The following MAT2B variants were observed in gnomAD, a reference collection of about 807,000 sequenced individuals.
MAT2B encodes methionine adenosyltransferase 2 non-catalytic beta subunit.
MAT2B carries 16 observed loss-of-function variants against 36.1 expected under a neutral mutation model. That is an observed-to-expected ratio of 0.44 (90% CI 0.30 to 0.67). MAT2B has a LOEUF of 0.67. MAT2B is among the 30% of genes least tolerant of loss of function. The pLI, the probability that MAT2B is intolerant of heterozygous loss-of-function variation, is 0.09. For synonymous variants in MAT2B, 148 were observed against 136.9 expected, an observed-to-expected ratio of 1.08 and a Z score of -0.57; for missense variants, 332 against 398.2, an observed-to-expected ratio of 0.83 and a Z score of 1.42.
rs780022492 is a variant in MAT2B at position 163,512,211 on chromosome 5, AT to A, written c.258+19del. The A allele has an allele frequency of 6.3e-6, 10 of 1,585,846 alleles. No individual in the cohort carries two copies. The East Asian group carries it at 2.2e-4, about 35-fold the overall frequency. ...ATGATTTTCAGGTATGATTTAGGTT[AT>A]TTTAAGATATACATGAACAATATTA... On this transcript the variant is annotated intron_variant, in intron 2 of 6. Coordinates refer to ENST00000321757, the MANE Select transcript of MAT2B (RefSeq NM_013283.5).
At chr5:163,510,473 G>T in intron 1 of MAT2B, among the ~76,000 whole-genome samples, 1 of 134,100 alleles carries the variant, frequency 7.5e-6, no homozygotes, top group Admixed American at 8.4e-5. Context: ...TTGGCTCATT[G>T]CAACCTCCGC....
intron 6 of MAT2B, 123 bp downstream of exon 6, chr5:163,517,797 G>A (rs553291685): frequency 3.3e-6 from 2 of 599,960 alleles, no homozygotes; most frequent in African/African-American, 1.8e-5. Context: ...GCTGTTCATA[G>A]TGCTACTTTT....
At chr5:163,505,408 C>G (rs1381799574), upstream of MAT2B, 2 of 654,676 alleles carry the variant, frequency 3.1e-6, no homozygotes, top group Non-Finnish European at 4.3e-6. Context: ...GAAACAAAAC[C>G]TGAATTCACT....
chr5:163,506,284 G>T (rs1581211810), intron 1 of MAT2B, among the ~76,000 whole-genome samples: 1 of 152,140 alleles, frequency 6.6e-6, no homozygotes, highest in Admixed American at 6.5e-5. Context: ...ACGAGAAAAC[G>T]GGCATAGAGG....
upstream of MAT2B, among the ~76,000 whole-genome samples, chr5:163,504,613 A>AC (rs1345117216): frequency 1.3e-5 from 2 of 152,192 alleles, no homozygotes; most frequent in Non-Finnish European, 2.9e-5. Context: ...GCACACAAGA[A>AC]CCCTTGGACT....
At position 163,519,247 on chromosome 5, in the gene MAT2B, T is replaced by G. The variant is rs2113565733; in HGVS notation, c.*884T>G. On this transcript the variant is annotated 3_prime_UTR_variant, in exon 7 of 7. Transcript: ENST00000321757. ...GTTGCTTTAATTTTTAAAAATTACA[T>G]TCTTCTGATGTAACATGTGATACAT... The G allele has an allele frequency of 6.6e-6, 1 of 152,310 alleles. No homozygotes were observed. The highest frequency in any genetic ancestry group is 2.1e-4 in the South Asian group (1 of 4,824). The allele number at this position is 152,310 out of a possible 1,614,324, so 9.4% of individuals were successfully genotyped here.
At chr5:163,511,346 G>T (rs968006630) in intron 1 of MAT2B, among the ~76,000 whole-genome samples, 1 of 150,684 alleles carries the variant, frequency 6.6e-6, no homozygotes, top group African/African-American at 2.4e-5. Flanking sequence ...GCTTATTACA[G>T]CCTTGGCCTC....
chr5:163,505,759 T>C lies in MAT2B; in HGVS notation c.63+10T>C. 1 of 1,251,930 alleles carries C rather than the reference T, an allele frequency of 8.0e-7. No homozygotes were observed. Among genetic ancestry groups the C allele is most frequent in the Non-Finnish European group, 1.0e-6 (1 of 986,496 alleles). The allele number at this position is 1,251,930 out of a possible 1,614,324, so 77.6% of individuals were successfully genotyped here. ...CTGTCGGCTGGTGGAGGTGAGGGAG[T>C]CGGCCTGGGCGTCTCCGGTGGGAGC... On this transcript the variant is annotated intron_variant, in intron 1 of 6. Coordinates refer to ENST00000321757, the MANE Select transcript of MAT2B (RefSeq NM_013283.5).
At chr5:163,503,572 A>G (rs1759881794), upstream of MAT2B, 1 of 784,060 alleles carries the variant, frequency 1.3e-6, no homozygotes, top group Non-Finnish European at 2.1e-6. Context: ...ACCTCGGGAC[A>G]TGGAAGAATA....
At chr5:163,510,838 C>T (rs1760027978) in intron 1 of MAT2B, among the ~76,000 whole-genome samples, 1 of 152,040 alleles carries the variant, frequency 6.6e-6, no homozygotes, top group Non-Finnish European at 1.5e-5. Context: ...TTGATTAATT[C>T]TCTACCTTGG....
Position 163,518,351 on chromosome 5 carries a change from G to T in MAT2B, c.993G>T (p.Thr331=), listed in dbSNP as rs764384650. 3.7e-6 allele frequency: 6 copies of T among 1,604,824 alleles called. No individual in the cohort carries two copies. In the East Asian group the frequency reaches 6.7e-5, roughly 18 times the overall value. The change falls in exon 7 of 7, where the codon ACG becomes ACT. Residue 331 remains threonine (T), a synonymous_variant. Transcript: ENST00000321757. ...TCATTGACAAGAGATGGAGACAAACGGTCTTTCATTAGTTTATTTGTGTTG... is the reference window on the plus strand; with the variant it reads ...TCATTGACAAGAGATGGAGACAAACTGTCTTTCATTAGTTTATTTGTGTTG... ...PFLIDKRWRQ[T]VFH is the part of the protein sequence containing the mutation.
chr5:163,505,850 A>G (rs1759925998), intron 1 of MAT2B, 101 bp downstream of exon 1: 1 of 957,904 alleles, frequency 1.0e-6, no homozygotes, highest in Non-Finnish European at 1.4e-6. Context: ...CGCCCGGGTC[A>G]GAGCCTCCGG....
chr5:163,518,155 C>T (rs1479964832), intron 6 of MAT2B, 38 bp from the exon 7 acceptor site: 2 of 1,506,170 alleles, frequency 1.3e-6, no homozygotes, highest in African/African-American at 2.8e-5. Context: ...TAGCCTTTCA[C>T]TTACTTTTGA....
At chr5:163,517,796 A>G in intron 6 of MAT2B, 122 bp downstream of exon 6, 2 of 603,246 alleles carry the variant, frequency 3.3e-6, no homozygotes, top group African/African-American at 1.8e-5. Flanking sequence ...GGCTGTTCAT[A>G]GTGCTACTTT....
intron 1 of MAT2B, among the ~76,000 whole-genome samples, chr5:163,509,203 C>T (rs2065966570): frequency 2.0e-5 from 3 of 151,504 alleles, no homozygotes; most frequent in Admixed American, 6.6e-5. Context: ...TGAAACTGTA[C>T]TTCACAGAGT....
chr5:163,511,329 G>A (rs1179923200), intron 1 of MAT2B, among the ~76,000 whole-genome samples: 1 of 150,906 alleles, frequency 6.6e-6, no homozygotes, highest in African/African-American at 2.4e-5. Context: ...TGCATGTCAT[G>A]ATCTCTGCTT....
intron 1 of MAT2B, among the ~76,000 whole-genome samples, chr5:163,506,121 T>C (rs1418045712): frequency 6.6e-6 from 1 of 152,226 alleles, no homozygotes; most frequent in African/African-American, 2.4e-5. Flanking sequence ...TTCGTAGGTT[T>C]GAGAAAGAAC....
At chr5:163,503,201 T>C, upstream of MAT2B, 2 of 549,632 alleles carry the variant, frequency 3.6e-6, no homozygotes, top group South Asian at 5.4e-5. Flanking sequence ...AGCTACCAGC[T>C]TACTGCCATG....
intron 1 of MAT2B, among the ~76,000 whole-genome samples, chr5:163,509,417 A>C (rs1050127568): frequency 6.6e-6 from 1 of 152,200 alleles, no homozygotes; most frequent in African/African-American, 2.4e-5. Context: ...TCGAGAGTAC[A>C]CTGGTCCTCT....
Sources: gnomAD v4.1 joint callset for allele counts (sites outside exome capture counted in the v4.1 genomes callset) on GRCh38, gnomAD v4.1.1 for gene constraint, MANE v1.5 for transcripts, NCBI Gene and HGNC (gene_info 2026-07-23, HGNC 2026-07-21) for gene names.